The following ADGRG6 variants were observed in gnomAD, a reference collection of about 807,000 sequenced individuals.
ADGRG6 encodes the protein adhesion G protein-coupled receptor G6, also known as G-protein coupled receptor 126.
Under a neutral mutation model 142.4 loss-of-function variants are expected in ADGRG6, and 84 were observed. The observed-to-expected ratio is 0.59, with a 90% confidence interval of 0.49 to 0.71. ADGRG6 has a LOEUF of 0.71. ADGRG6 is among the 30% of genes least tolerant of loss of function. The probability of loss-of-function intolerance (pLI) is 0.00; values close to 1 mark genes in which losing one functional copy is unlikely to be tolerated. For missense variants in ADGRG6, 1,367 were observed against 1,466.6 expected (o/e 0.93, Z 1.11); for synonymous variants, 521 against 520.5 (o/e 1.00, Z -0.01).
intron 1 of ADGRG6, among the ~76,000 whole-genome samples, chr6:142,307,632 C>T (rs1163933336): frequency 6.6e-6 from 1 of 152,048 alleles, no homozygotes; most frequent in African/African-American, 2.4e-5. Context: ...ACTTGCCCTA[C>T]AAACCACACA....
intron 2 of ADGRG6, among the ~76,000 whole-genome samples, chr6:142,363,054 T>C (rs1780793156): frequency 6.6e-6 from 1 of 152,162 alleles, no homozygotes; most frequent in Non-Finnish European, 1.5e-5. Context: ...ACTGACCAGG[T>C]TTTTCTACAA....
At chr6:142,309,717 T>C in intron 2 of ADGRG6, 73 bp downstream of exon 2, 3 of 955,882 alleles carry the variant, frequency 3.1e-6, no homozygotes, top group Non-Finnish European at 4.6e-6. Flanking sequence ...ATGCTACTTA[T>C]TTATGTTGCC....
chr6:142,401,682 AAACTGG>A, intron 11 of ADGRG6, among the ~76,000 whole-genome samples: 1 of 152,302 alleles, frequency 6.6e-6, no homozygotes, highest in East Asian at 1.9e-4. Context: ...ATGGAGAAAC[AAACTGG>A]GGTGAGAGAG....
intron 1 of ADGRG6, among the ~76,000 whole-genome samples, chr6:142,307,010 C>T (rs1208457441): frequency 1.3e-5 from 2 of 152,036 alleles, no homozygotes; most frequent in African/African-American, 4.8e-5. Context: ...TCATTTGCAA[C>T]TGATAGGATT....
intron 23 of ADGRG6, chr6:142,437,914 A>G (rs184757510): frequency 6.3e-4 from 169 of 266,328 alleles, no homozygotes; most frequent in African/African-American, 3.5e-3. Context: ...AAAAAACTGA[A>G]AAAACCTACT....
Position 142,413,899 on chromosome 6 carries a change from T to TCTCACA in ADGRG6, c.2542-1069_2542-1068insTCACAC, listed in dbSNP as rs200677950. On this transcript the variant is annotated intron_variant, in intron 18 of 24. Transcript: ENST00000367609. ...CCTGAAACTAACCCACATTTCTTTA[T>TCTCACA]CACACACACACACACACACACACAC... Among the ~76,000 whole-genome samples the TCTCACA allele has an allele frequency of 1.8e-3, 251 of 141,486 alleles. 1 individual carries two copies. The highest frequency in any genetic ancestry group is 5.2e-3 in the Admixed American group (74 of 14,110). 92.8% of individuals were successfully genotyped at this position (141,486 alleles called of 152,430 possible).
At chr6:142,339,553 A>G (rs1779512539) in intron 2 of ADGRG6, among the ~76,000 whole-genome samples, 1 of 152,108 alleles carries the variant, frequency 6.6e-6, no homozygotes, top group South Asian at 2.1e-4. Context: ...TGGATTTGAC[A>G]TTGTATGTTG....
At chr6:142,409,972 C>A in intron 17 of ADGRG6, 53 bp downstream of exon 17, 2 of 732,362 alleles carry the variant, frequency 2.7e-6, no homozygotes, top group Non-Finnish European at 4.6e-6. Context: ...GAATTTTAAA[C>A]ATTGTTAGAC....
chr6:142,397,613 G>A lies in ADGRG6; in HGVS notation c.1425G>A (p.Arg475=), dbSNP rs897433271. The part of the protein sequence containing the change: ...KVKRSLEDEP[R]LVLWALLVYN... ...AGTTCTATCCGAAATGTTTCCCTAGGTTGGTGCTTTGGGCCCTTCTAGTTT... is the reference window on the plus strand; with the variant it reads ...AGTTCTATCCGAAATGTTTCCCTAGATTGGTGCTTTGGGCCCTTCTAGTTT... Residue 475 remains arginine, a splice_region_variant and synonymous_variant, in exon 10 of 25, where the codon AGG becomes AGA. Coordinates refer to ENST00000367609, the MANE Select transcript of ADGRG6 (RefSeq NM_198569.3). 1 of 1,607,780 alleles carries A rather than the reference G, an allele frequency of 6.2e-7. No homozygotes were observed. Among genetic ancestry groups the A allele is most frequent in the Admixed American group, 1.7e-5 (1 of 58,610 alleles).
intron 2 of ADGRG6, among the ~76,000 whole-genome samples, chr6:142,332,268 A>G (rs1779098120): frequency 1.3e-5 from 2 of 152,222 alleles, no homozygotes; most frequent in Non-Finnish European, 2.9e-5. Flanking sequence ...CTGACTTACC[A>G]CATAGTGATG....
intron 2 of ADGRG6, among the ~76,000 whole-genome samples, chr6:142,325,830 G>T (rs1374812061): frequency 6.6e-6 from 1 of 151,830 alleles, no homozygotes; most frequent in African/African-American, 2.4e-5. Flanking sequence ...TTTAAAAATA[G>T]TCTCTGCTGT....
intron 2 of ADGRG6, among the ~76,000 whole-genome samples, chr6:142,354,404 CAAA>C (rs1270283841): frequency 3.3e-5 from 5 of 151,908 alleles, no homozygotes; most frequent in Non-Finnish European, 7.4e-5. Context: ...AACAAACAAA[CAAA>C]AAAACTTTTG....
At chr6:142,408,306 G>C (rs1775917609) in intron 16 of ADGRG6, 37 bp downstream of exon 16, 1 of 1,503,268 alleles carries the variant, frequency 6.7e-7, no homozygotes, top group South Asian at 1.3e-5. Flanking sequence ...GGACAGAAGT[G>C]GACTATTTAA....
Position 142,390,278 on chromosome 6 carries a change from T to C in ADGRG6, c.1243T>C (p.Ser415Pro), listed in dbSNP as rs940185359. 1.9e-6 allele frequency: 3 copies of C among 1,590,128 alleles called. No individual in the cohort carries two copies. Among genetic ancestry groups the C allele is most frequent in the African/African-American group, 1.3e-5 (1 of 74,336 alleles). ...QRNDGIIYRI[S>P]VVIQNILRHP... ...GGCAGATGGAATTATCTATAGAATA[T>C]CCGTAGTGATTCAGAACATCCTTCG... Residue 415 changes from serine to proline, a missense_variant, in exon 7 of 25, where the codon TCC becomes CCC. Ser to Pro is a moderately conservative substitution (Grantham distance 74). Coordinates refer to ENST00000367609, the MANE Select transcript of ADGRG6 (RefSeq NM_198569.3).
intron 6 of ADGRG6, 99 bp from the exon 7 acceptor site, chr6:142,390,159 T>C: frequency 2.1e-6 from 1 of 467,374 alleles, no homozygotes; most frequent in Non-Finnish European, 3.7e-6. Flanking sequence ...TAAAACTATA[T>C]GATTATGTAA....
intron 22 of ADGRG6, among the ~76,000 whole-genome samples, chr6:142,433,104 T>A (rs2115171741): frequency 6.6e-6 from 1 of 152,334 alleles, no homozygotes. Context: ...AATACACAGT[T>A]ACTTATATTT....
intron 2 of ADGRG6, among the ~76,000 whole-genome samples, chr6:142,319,731 CAGAG>C (rs1778424498): frequency 1.3e-5 from 2 of 152,104 alleles, no homozygotes; most frequent in African/African-American, 2.4e-5. Context: ...TCAAGTGAAA[CAGAG>C]AGAAAGACAT....
intron 2 of ADGRG6, among the ~76,000 whole-genome samples, chr6:142,338,541 A>T (rs1231224264): frequency 6.6e-6 from 1 of 151,190 alleles, no homozygotes; most frequent in Admixed American, 6.6e-5. Flanking sequence ...AATATAGATC[A>T]TATATTTTGT....
intron 22 of ADGRG6, among the ~76,000 whole-genome samples, chr6:142,436,615 T>G (rs1164912999): frequency 1.3e-5 from 2 of 152,116 alleles, no homozygotes; most frequent in African/African-American, 4.8e-5. Context: ...AAGGGAGGAA[T>G]TTTTTGTTTG....
Sources: gnomAD v4.1 joint callset for allele counts (sites outside exome capture counted in the v4.1 genomes callset) on GRCh38, gnomAD v4.1.1 for gene constraint, MANE v1.5 for transcripts, NCBI Gene and HGNC (gene_info 2026-07-23, HGNC 2026-07-21) for gene names.